The following CDH12 variants were observed in gnomAD, a reference collection of about 807,000 sequenced individuals.
CDH12 encodes cadherin 12.
CDH12 carries 41 observed loss-of-function variants against 74.1 expected under a neutral mutation model. The observed-to-expected ratio is 0.55, with a 90% CI of 0.43 to 0.72. The LOEUF (loss-of-function observed/expected upper bound fraction) is 0.72. CDH12 is among the 30% of genes least tolerant of loss of function. The probability of loss-of-function intolerance (pLI) is 0.00; values close to 1 mark genes in which losing one functional copy is unlikely to be tolerated. For synonymous variants in CDH12, 399 were observed against 355.0 expected (o/e 1.12, Z -1.39); for missense variants, 945 against 977.2 (o/e 0.97, Z 0.44).
At chr5:21,842,704 T>C (rs1749940950) in intron 7 of CDH12, among the ~76,000 whole-genome samples, 1 of 152,124 alleles carries the variant, frequency 6.6e-6, no homozygotes, top group African/African-American at 2.4e-5. Flanking sequence ...AAATGCGAAG[T>C]GGTTGAAATG....
intron 1 of CDH12, among the ~76,000 whole-genome samples, chr5:22,808,281 G>A (rs1478308783): frequency 6.6e-6 from 1 of 152,162 alleles, no homozygotes; most frequent in African/African-American, 2.4e-5. Context: ...ATCAGTGAAT[G>A]CAGAGGTGAA....
intron 6 of CDH12, among the ~76,000 whole-genome samples, chr5:21,931,825 T>G (rs1041231695): frequency 1.8e-4 from 28 of 152,208 alleles, no homozygotes; most frequent in Admixed American, 1.6e-3. Context: ...ACAAATTGAT[T>G]GCTCTTTTCC....
chr5:22,557,814 T>G (rs1357068099), intron 1 of CDH12, among the ~76,000 whole-genome samples: 1 of 152,144 alleles, frequency 6.6e-6, no homozygotes, highest in Non-Finnish European at 1.5e-5. Context: ...TCATTAGTAA[T>G]TCAATTAAGT....
intron 1 of CDH12, among the ~76,000 whole-genome samples, chr5:22,823,232 G>A (rs1194644397): frequency 2.8e-5 from 4 of 143,284 alleles, no homozygotes; most frequent in African/African-American, 1.0e-4. Flanking sequence ...GGGGACTGTT[G>A]TGAGGTGGGG....
At chr5:21,875,132 C>T (rs1751860942) in intron 6 of CDH12, among the ~76,000 whole-genome samples, 1 of 152,142 alleles carries the variant, frequency 6.6e-6, no homozygotes, top group African/African-American at 2.4e-5. Context: ...CATTGGTGGG[C>T]ATGTAAATTA....
At chr5:22,699,406 G>C (rs1288212773) in intron 1 of CDH12, among the ~76,000 whole-genome samples, 1 of 151,236 alleles carries the variant, frequency 6.6e-6, no homozygotes, top group Non-Finnish European at 1.5e-5. Flanking sequence ...CAAGGGTACT[G>C]AGATTTACTA....
At chr5:22,036,743 A>G (rs1049224497) in intron 5 of CDH12, among the ~76,000 whole-genome samples, 1 of 152,212 alleles carries the variant, frequency 6.6e-6, no homozygotes, top group Admixed American at 6.5e-5. Flanking sequence ...TCAAGGTTTA[A>G]TTGGTGTTTT....
chr5:21,833,122 ATAT>A (rs1198627198), intron 8 of CDH12, among the ~76,000 whole-genome samples: 1 of 71,498 alleles, frequency 1.4e-5, no homozygotes, highest in Non-Finnish European at 2.3e-5. Context: ...CATATAATAT[ATAT>A]TATATTATAA....
Position 21,833,251 on chromosome 5 carries a change from A to AACATATAACATATAATATATATTATATG in CDH12, c.814+8909_814+8910insCATATAATATATATTATATGTTATATGT, listed in dbSNP as rs1749263902. Reference sequence around the variant, plus strand: ...ATATAACATATAATATATATTATATATTATATAACATATAATATATATTAT... The same window carrying AACATATAACATATAATATATATTATATG: ...ATATAACATATAATATATATTATATAACATATAACATATAATATATATTATATGTTATATAACATATAATATATATTAT... On this transcript the variant is annotated intron_variant, in intron 8 of 14. Transcript: ENST00000382254. Among the ~76,000 whole-genome samples the AACATATAACATATAATATATATTATATG allele has an allele frequency of 2.3e-3, 31 of 13,224 alleles. 6 individuals carry two copies. Among genetic ancestry groups the AACATATAACATATAATATATATTATATG allele is most frequent in the African/African-American group, 4.3e-3 (4 of 926 alleles). The allele number at this position is 13,224 out of a possible 152,430, so 8.7% of individuals were successfully genotyped here.
chr5:22,845,165 G>A (rs1737246492), intron 1 of CDH12, among the ~76,000 whole-genome samples: 2 of 152,014 alleles, frequency 1.3e-5, no homozygotes, highest in South Asian at 2.1e-4. Context: ...GCAAAAACTT[G>A]TTTTTTGTAG....
intron 2 of CDH12, among the ~76,000 whole-genome samples, chr5:22,496,803 A>C (rs1220766455): frequency 6.6e-6 from 1 of 152,054 alleles, no homozygotes; most frequent in Non-Finnish European, 1.5e-5. Flanking sequence ...CCCTACACTG[A>C]CCACTTCTTT....
chr5:22,699,408 G>C (rs1429460577), intron 1 of CDH12, among the ~76,000 whole-genome samples: 1 of 151,234 alleles, frequency 6.6e-6, no homozygotes, highest in African/African-American at 2.5e-5. Context: ...AGGGTACTGA[G>C]ATTTACTAAT....
intron 1 of CDH12, among the ~76,000 whole-genome samples, chr5:22,775,750 G>A (rs888992803): frequency 9.2e-5 from 14 of 152,014 alleles, no homozygotes; most frequent in African/African-American, 3.1e-4. Flanking sequence ...TTATTATATG[G>A]TCTCATTATT....
intron 6 of CDH12, among the ~76,000 whole-genome samples, chr5:21,950,634 C>T (rs1422470180): frequency 1.3e-5 from 2 of 151,356 alleles, no homozygotes; most frequent in Non-Finnish European, 2.9e-5. Flanking sequence ...TTTTAAAATT[C>T]TGTCTATATA....
chr5:22,141,102 T>A (rs1746763916), intron 4 of CDH12: 1 of 152,208 alleles, frequency 6.6e-6, no homozygotes, highest in Non-Finnish European at 1.5e-5. Context: ...CTTATTAAAC[T>A]ATGGTATCCA....
At chr5:22,538,954 G>C (rs1325559985) in intron 1 of CDH12, among the ~76,000 whole-genome samples, 1 of 152,122 alleles carries the variant, frequency 6.6e-6, no homozygotes, top group Non-Finnish European at 1.5e-5. Context: ...GTGTTCCACT[G>C]GCACAATCAT....
At chr5:21,935,730 G>A (rs548609009) in intron 6 of CDH12, among the ~76,000 whole-genome samples, 92 of 152,130 alleles carry the variant, frequency 6.0e-4, no homozygotes, top group Non-Finnish European at 1.1e-3. Context: ...AGTCTGCCCC[G>A]CTTTCCTCCC....
At chr5:22,228,321 T>G (rs1752264905) in intron 3 of CDH12, among the ~76,000 whole-genome samples, 1 of 152,126 alleles carries the variant, frequency 6.6e-6, no homozygotes, top group South Asian at 2.1e-4. Flanking sequence ...GCATATGGTA[T>G]GTTCATATGC....
intron 6 of CDH12, among the ~76,000 whole-genome samples, chr5:21,868,676 G>A (rs193233561): frequency 2.1e-3 from 319 of 152,260 alleles, no homozygotes; most frequent in Middle Eastern, 0.01. Context: ...TGCTATGCCT[G>A]TCCCACCATT....
Sources: allele counts gnomAD v4.1 joint callset (sites outside exome capture counted in the v4.1 genomes callset), GRCh38; gene constraint gnomAD v4.1.1; transcripts MANE v1.5; gene names NCBI Gene and HGNC (gene_info 2026-07-23, HGNC 2026-07-21).